HLCS: variants seen among roughly 807,000 people sequenced by gnomAD.
HLCS encodes biotin--protein ligase.
HLCS carries 53 observed loss-of-function variants against 75.0 expected under a neutral mutation model. The observed-to-expected ratio is 0.71, with a 90% CI of 0.57 to 0.89. HLCS has a LOEUF of 0.89. HLCS is among the 40% of genes least tolerant of loss of function. HLCS has a pLI of 0.00. For missense variants in HLCS, 966 were observed against 1,074.0 expected (o/e 0.90, Z 1.41); for synonymous variants, 431 against 428.6 (o/e 1.01, Z -0.07).
chr21:36,849,244 C>T (rs1371915030), intron 6 of HLCS, among the ~76,000 whole-genome samples: 1 of 152,182 alleles, frequency 6.6e-6, no homozygotes, highest in Non-Finnish European at 1.5e-5. Flanking sequence ...CTGGAAAAGG[C>T]CTTTTTGTCT....
At chr21:36,826,280 A>T (rs891872230) in intron 6 of HLCS, among the ~76,000 whole-genome samples, 1 of 152,120 alleles carries the variant, frequency 6.6e-6, no homozygotes, top group Non-Finnish European at 1.5e-5. Flanking sequence ...GTTTTCTAGG[A>T]GTTGTTCCTG....
chr21:36,971,531 C>A (rs1436017450), upstream of HLCS, among the ~76,000 whole-genome samples: 1 of 151,914 alleles, frequency 6.6e-6, no homozygotes. Flanking sequence ...ATGAAGGTAC[C>A]CAATTTTCAA....
intron 6 of HLCS, among the ~76,000 whole-genome samples, chr21:36,796,862 C>T (rs911222097): frequency 6.9e-6 from 1 of 145,284 alleles, no homozygotes; most frequent in African/African-American, 2.5e-5. Context: ...GACTTTTTAT[C>T]ATGATCTTTT....
intron 5 of HLCS, among the ~76,000 whole-genome samples, chr21:36,904,028 T>C (rs1241403152): frequency 6.6e-6 from 1 of 152,140 alleles, no homozygotes; most frequent in Non-Finnish European, 1.5e-5. Flanking sequence ...AGGCCCTCAC[T>C]AGATGCTGGC....
chr21:36,941,424 C>T (rs1234152593), intron 2 of HLCS, among the ~76,000 whole-genome samples: 2 of 152,196 alleles, frequency 1.3e-5, no homozygotes, highest in Non-Finnish European at 2.9e-5. Flanking sequence ...AGTGTGAAAA[C>T]AGACTAACAC....
At chr21:36,914,907 T>C (rs757015664) in intron 5 of HLCS, among the ~76,000 whole-genome samples, 1 of 152,248 alleles carries the variant, frequency 6.6e-6, no homozygotes, top group Non-Finnish European at 1.5e-5. Flanking sequence ...AACAGGCTTC[T>C]GACAGAGCAG....
At position 36,982,165 on chromosome 21, in the gene HLCS, A is replaced by G. The variant is rs117388853; in HGVS notation, c.-393+7993T>C. Among the ~76,000 whole-genome samples, 978 of 152,290 alleles carry G rather than the reference A, an allele frequency of 6.4e-3. 3 individuals carry two copies. The highest frequency in any genetic ancestry group is 0.011 in the Non-Finnish European group (757 of 68,020). ...AATGTTTCTAAGATTCACACATACA[A>G]TTTCGCAAAGCTGCATTTTATTCAT... On this transcript the variant is annotated intron_variant, in intron 1 of 11. Coordinates refer to the HLCS transcript ENST00000336648.
At position 36,765,016 on chromosome 21, in the gene HLCS, T is replaced by C. The variant is rs1380255769; in HGVS notation, c.2117A>G (p.Tyr706Cys). Reference sequence around the variant, plus strand: ...AGGAGACTGAACTGTACCTACCTGATACTCGGGAATGGACCTCACTGCTTC... The same window carrying C: ...AGGAGACTGAACTGTACCTACCTGACACTCGGGAATGGACCTCACTGCTTC... The part of the protein sequence containing the change: ...VVEAVRSIPE[Y>C]QDINLRVKWP... Residue 706 changes from tyrosine (Y) to cysteine (C), a missense_variant, in exon 8 of 11, where the codon TAT becomes TGT. By Grantham distance (194) the Tyr-to-Cys change is radical. Coordinates refer to ENST00000674895, the MANE Select transcript of HLCS (RefSeq NM_001352514.2). 4 of 1,614,098 alleles carry C rather than the reference T, an allele frequency of 2.5e-6. No individual in the cohort carries two copies. The African/African-American group carries it at 4.0e-5, about 16-fold the overall frequency.
chr21:36,814,918 G>A (rs1387358609), intron 6 of HLCS, among the ~76,000 whole-genome samples: 1 of 152,220 alleles, frequency 6.6e-6, no homozygotes, highest in Non-Finnish European at 1.5e-5. Context: ...CGGTGCAATG[G>A]GTGGAGAAGC....
At chr21:36,957,409 A>G (rs1243577172) in intron 2 of HLCS, among the ~76,000 whole-genome samples, 1 of 152,110 alleles carries the variant, frequency 6.6e-6, no homozygotes, top group African/African-American at 2.4e-5. Flanking sequence ...GGCTCGCAGA[A>G]CCTCTTCTTT....
At chr21:36,879,129 A>AG (rs55704319) in intron 6 of HLCS, among the ~76,000 whole-genome samples, 1 of 1,766 alleles carries the variant, frequency 5.7e-4, no homozygotes, top group Non-Finnish European at 7.7e-4. Flanking sequence ...TTGAACAAAA[A>AG]TAATTGGAAT....
chr21:36,795,212 C>T (rs962903045), intron 6 of HLCS, among the ~76,000 whole-genome samples: 2 of 152,126 alleles, frequency 1.3e-5, no homozygotes, highest in Non-Finnish European at 2.9e-5. Context: ...AAACACGAAG[C>T]ATGGTGACCA....
chr21:36,779,358 T>C (rs978525235), intron 6 of HLCS, among the ~76,000 whole-genome samples: 5 of 152,000 alleles, frequency 3.3e-5, no homozygotes, highest in African/African-American at 1.2e-4. Flanking sequence ...CTCATCTTCT[T>C]TCTCTATCTA....
intron 3 of HLCS, among the ~76,000 whole-genome samples, chr21:36,938,553 G>A (rs910997326): frequency 1.3e-5 from 2 of 152,198 alleles, no homozygotes; most frequent in Non-Finnish European, 2.9e-5. Context: ...ACATGGGAAT[G>A]CAGTGGCGTG....
chr21:36,789,671 G>T (rs560590781), intron 6 of HLCS, among the ~76,000 whole-genome samples: 1 of 152,294 alleles, frequency 6.6e-6, no homozygotes, highest in East Asian at 1.9e-4. Flanking sequence ...AGAAACAAAA[G>T]ATTTCATCAC....
At chr21:36,806,904 A>C (rs2061376720) in intron 6 of HLCS, among the ~76,000 whole-genome samples, 1 of 151,996 alleles carries the variant, frequency 6.6e-6, no homozygotes, top group East Asian at 1.9e-4. Flanking sequence ...TGGTCATCTC[A>C]AGGCTTGCCT....
chr21:36,931,360 G>A (rs1468465046), intron 4 of HLCS, among the ~76,000 whole-genome samples: 1 of 150,914 alleles, frequency 6.6e-6, no homozygotes, highest in East Asian at 1.9e-4. Flanking sequence ...AGTTCAGGGA[G>A]GCAAATGGGT....
intron 6 of HLCS, among the ~76,000 whole-genome samples, chr21:36,879,688 T>C (rs955129344): frequency 1.3e-5 from 2 of 152,000 alleles, no homozygotes; most frequent in African/African-American, 2.4e-5. Flanking sequence ...TCCCAGAACT[T>C]TGGGAGGCCA....
chr21:36,755,814 G>A (rs2089545748), intron 10 of HLCS, among the ~76,000 whole-genome samples: 1 of 152,222 alleles, frequency 6.6e-6, no homozygotes, highest in Non-Finnish European at 1.5e-5. Context: ...ATGACACAGG[G>A]TGCTGGGCCC....
Sources: allele counts gnomAD v4.1 joint callset (sites outside exome capture counted in the v4.1 genomes callset), GRCh38; gene constraint gnomAD v4.1.1; transcripts MANE v1.5; gene names NCBI Gene and HGNC (gene_info 2026-07-23, HGNC 2026-07-21).